METTL16: variants seen among roughly 807,000 people sequenced by gnomAD.
The protein encoded by METTL16 is RNA N(6)-adenosine-methyltransferase METTL16.
METTL16 carries 19 observed loss-of-function variants against 57.9 expected under a neutral mutation model. The observed-to-expected ratio is 0.33, with a 90% CI of 0.23 to 0.48. METTL16 has a LOEUF of 0.48. Ranked by LOEUF, METTL16 falls within the 20% of genes least tolerant of loss-of-function variation. The probability of loss-of-function intolerance (pLI) is 0.99; values close to 1 mark genes in which losing one functional copy is unlikely to be tolerated. For missense variants in METTL16, 434 were observed against 691.5 expected, an observed-to-expected ratio of 0.63 and a Z score of 4.18; for synonymous variants, 246 against 255.6, an observed-to-expected ratio of 0.96 and a Z score of 0.36.
chr17:2,465,758 C>G (rs575082835), intron 5 of METTL16, among the ~76,000 whole-genome samples: 1 of 151,624 alleles, frequency 6.6e-6, no homozygotes, highest in East Asian at 1.9e-4. Context: ...CCCAGCAACT[C>G]AGGAGGCTGA....
chr17:2,422,314 A>C (rs577112194), intron 8 of METTL16, among the ~76,000 whole-genome samples: 1 of 147,532 alleles, frequency 6.8e-6, no homozygotes, highest in Non-Finnish European at 1.5e-5. Context: ...GGGCCTGGGC[A>C]ACAAGAGTGA....
chr17:2,424,895 C>T (rs1431734721), intron 8 of METTL16, among the ~76,000 whole-genome samples: 1 of 150,856 alleles, frequency 6.6e-6, no homozygotes. Context: ...TTGCAGCGAG[C>T]AGAGATCGCG....
chr17:2,477,256 C>T (rs1460232462), intron 3 of METTL16, among the ~76,000 whole-genome samples: 3 of 152,118 alleles, frequency 2.0e-5, no homozygotes, highest in Non-Finnish European at 4.4e-5. Flanking sequence ...CTTCCCTTAA[C>T]CTCTTGCTCC....
intron 8 of METTL16, among the ~76,000 whole-genome samples, chr17:2,429,483 C>T (rs4790079): frequency 0.72 from 108,465 of 150,214 alleles, 39,550 homozygotes; most frequent in East Asian, 0.98. Flanking sequence ...CCACTGTGCT[C>T]GGCCAAGAAT....
At chr17:2,447,727 G>A (rs2067017626) in intron 6 of METTL16, among the ~76,000 whole-genome samples, 2 of 141,084 alleles carry the variant, frequency 1.4e-5, no homozygotes, top group South Asian at 4.5e-4. Context: ...CCCCCGCCCG[G>A]CCAGCCGCCC....
intron 6 of METTL16, among the ~76,000 whole-genome samples, chr17:2,448,804 A>AAAT (rs1567890010): frequency 2.4e-3 from 207 of 86,312 alleles, no homozygotes; most frequent in African/African-American, 0.022. Context: ...ATAAAATTTA[A>AAAT]AAAAAAAAAA....
rs1305455925 is a variant in METTL16, at chr17:2,419,756, A to G, written c.*214T>C. ...CTTTCTGTTGTTACTGATGACCACAATTCCTCCTTGTAAATGACCACACTA... is the reference window on the plus strand; with the variant it reads ...CTTTCTGTTGTTACTGATGACCACAGTTCCTCCTTGTAAATGACCACACTA... On this transcript the variant is annotated 3_prime_UTR_variant, in exon 10 of 10. Coordinates refer to ENST00000263092, the MANE Select transcript of METTL16 (RefSeq NM_024086.4). 4.2e-5 allele frequency: 30 copies of G among 708,780 alleles called. No homozygotes were observed. In the East Asian group the frequency reaches 7.4e-4, roughly 18 times the overall value. 43.9% of individuals were successfully genotyped at this position (708,780 alleles called of 1,614,324 possible).
intron 6 of METTL16, among the ~76,000 whole-genome samples, chr17:2,456,388 T>C (rs1330716394): frequency 1.3e-5 from 2 of 152,238 alleles, no homozygotes. Flanking sequence ...AGAAGTGGTA[T>C]GTTCTTTTTA....
At chr17:2,509,580 A>C (rs1213288394) in intron 1 of METTL16, among the ~76,000 whole-genome samples, 2 of 152,158 alleles carry the variant, frequency 1.3e-5, no homozygotes, top group Non-Finnish European at 2.9e-5. Context: ...GACTTTATTA[A>C]AAAGAAAATA....
intron 6 of METTL16, among the ~76,000 whole-genome samples, chr17:2,447,787 C>A (rs1314880971): frequency 3.3e-3 from 342 of 103,148 alleles, no homozygotes; most frequent in Non-Finnish European, 4.7e-3. Context: ...CCAGCCGCCC[C>A]GTCCGGGAGG....
chr17:2,510,338 T>C (rs1036159431), intron 1 of METTL16, among the ~76,000 whole-genome samples: 5 of 152,196 alleles, frequency 3.3e-5, no homozygotes, highest in African/African-American at 1.2e-4. Context: ...GAAATATACA[T>C]TGTTGCTGAC....
intron 2 of METTL16, among the ~76,000 whole-genome samples, chr17:2,492,090 A>G (rs1427529327): frequency 2.6e-5 from 4 of 151,152 alleles, no homozygotes; most frequent in Non-Finnish European, 5.9e-5. Context: ...GGGTGCCTGT[A>G]GTCCCAGCTA....
In METTL16 at chr17:2,424,135, A is replaced by C. The variant is rs1249171811; in HGVS notation, c.889-3231T>G. 7.4e-5 allele frequency: 11 copies of C among 147,774 alleles called. 1 individual carries two copies. The South Asian group carries it at 1.5e-3, about 20-fold the overall frequency. 9.2% of individuals were successfully genotyped at this position (147,774 alleles called of 1,614,324 possible). A position where few individuals can be genotyped will look rare whatever the true frequency, so the allele number is the denominator to read the frequency against. Reference sequence around the variant, plus strand: ...TTATTATTTTATTTTTTTTTTTGAGACGGAGTCTCGCTCTGTCGCCCAGGC... The same window carrying C: ...TTATTATTTTATTTTTTTTTTTGAGCCGGAGTCTCGCTCTGTCGCCCAGGC... On this transcript the variant is annotated intron_variant, in intron 8 of 9. Coordinates refer to ENST00000263092, the MANE Select transcript of METTL16 (RefSeq NM_024086.4).
At position 2,428,723 on chromosome 17, in the gene METTL16, C is replaced by A. The variant is rs1235251981; in HGVS notation, c.889-7819G>T. ...ACCAGCATGGGCAACATAGTAAGAC[C>A]CCATCTCTATTTAATAAAAAGAAAA... On this transcript the variant is annotated intron_variant, in intron 8 of 9. Coordinates refer to ENST00000263092, the MANE Select transcript of METTL16 (RefSeq NM_024086.4). Among the ~76,000 whole-genome samples the A allele has an allele frequency of 2.0e-5, 3 of 148,434 alleles. No homozygotes were observed. In the South Asian group the frequency reaches 6.4e-4, roughly 31 times the overall value.
At chr17:2,480,470 C>T (rs544026881) in intron 2 of METTL16, among the ~76,000 whole-genome samples, 2 of 152,248 alleles carry the variant, frequency 1.3e-5, no homozygotes, top group African/African-American at 4.8e-5. Flanking sequence ...AGAGACACAG[C>T]CAGAGCCTGG....
chr17:2,459,235 G>A lies in METTL16; in HGVS notation c.728+4973C>T, dbSNP rs575518145. The stretch of plus-strand genomic sequence containing the variant: ...GAAAGGCTCTTCACAGAGTCCAACT[G>A]CAGCTTAGAGCTGCAGAGGCTGCAA... On this transcript the variant is annotated intron_variant, in intron 6 of 9. Transcript: ENST00000263092. Among the ~76,000 whole-genome samples, 19 of 152,344 alleles carry A rather than the reference G, an allele frequency of 1.2e-4. No individual in the cohort carries two copies. The East Asian group carries it at 2.3e-3, about 19-fold the overall frequency.
chr17:2,477,210 A>G (rs973718033), intron 3 of METTL16, among the ~76,000 whole-genome samples: 2 of 152,054 alleles, frequency 1.3e-5, no homozygotes, highest in African/African-American at 4.8e-5. Flanking sequence ...ATAAAATGAA[A>G]AGCTATATAA....
At chr17:2,462,191 T>C (rs752069348) in intron 6 of METTL16, among the ~76,000 whole-genome samples, 86 of 152,144 alleles carry the variant, frequency 5.7e-4, no homozygotes, top group Non-Finnish European at 4.1e-4. Context: ...GGAAGAACCT[T>C]GAAAACATGA....
At chr17:2,496,550 T>C (rs188342252) in intron 2 of METTL16, among the ~76,000 whole-genome samples, 1 of 151,936 alleles carries the variant, frequency 6.6e-6, no homozygotes, top group East Asian at 1.9e-4. Context: ...ATTTTCCATT[T>C]TGATGCTTTT....
Sources: allele counts gnomAD v4.1 joint callset (sites outside exome capture counted in the v4.1 genomes callset), GRCh38; gene constraint gnomAD v4.1.1; transcripts MANE v1.5; gene names NCBI Gene and HGNC (gene_info 2026-07-23, HGNC 2026-07-21).